FAP: variants seen among roughly 807,000 people sequenced by gnomAD.
FAP encodes the protein fibroblast activation protein alpha.
FAP carries 110 observed loss-of-function variants against 126.5 expected under a neutral mutation model. The observed-to-expected ratio is 0.87, with a 90% CI of 0.74 to 1.02. FAP has a LOEUF of 1.02. Among genes scored for constraint, FAP ranks in the 50% least tolerant of loss-of-function variants. The pLI, the probability that FAP is intolerant of heterozygous loss-of-function variation, is 0.00. For synonymous variants in FAP, 334 were observed against 297.3 expected (o/e 1.12, Z -1.27); for missense variants, 919 against 909.2 (o/e 1.01, Z -0.14).
rs1192590844 is a variant in FAP at position 162,203,100 on chromosome 2, A to T, written c.1093T>A (p.Tyr365Asn). The T allele has an allele frequency of 6.2e-7, 1 of 1,613,728 alleles. No individual in the cohort carries two copies. Among genetic ancestry groups the T allele is most frequent in the Admixed American group, 1.7e-5 (1 of 60,018 alleles). ...CCATCCTTGTCACTAAATATTTTGT[A>T]GTACGAAATGGCATCATAGCTGAAA... Reference protein sequence around the residue: ...PVFSYDAISYYKIFSDKDGYK... With the variant: ...PVFSYDAISYNKIFSDKDGYK... Residue 365 changes from tyrosine (Y) to asparagine (N), a missense_variant, in exon 13 of 26, where the codon TAC becomes AAC. Coordinates refer to ENST00000188790, the MANE Select transcript of FAP (RefSeq NM_004460.5).
At chr2:162,234,758 G>A (rs192748934) in intron 2 of FAP, among the ~76,000 whole-genome samples, 199 of 152,242 alleles carry the variant, frequency 1.3e-3, no homozygotes, top group African/African-American at 4.3e-3. Flanking sequence ...CATTCTGGCC[G>A]CACTTCAGGA....
At chr2:162,194,779 T>C in intron 16 of FAP, 31 bp from the exon 17 acceptor site, 1 of 1,606,526 alleles carries the variant, frequency 6.2e-7, no homozygotes, top group Non-Finnish European at 8.5e-7. Flanking sequence ...AAATCATGGC[T>C]TAGTGTTAAA....
At chr2:162,206,242 T>C (rs1269978308) in intron 12 of FAP, among the ~76,000 whole-genome samples, 7 of 152,200 alleles carry the variant, frequency 4.6e-5, no homozygotes, top group Admixed American at 2.6e-4. Context: ...AAGTGCTTCT[T>C]GCAAGTCACA....
intron 6 of FAP, among the ~76,000 whole-genome samples, chr2:162,220,495 T>C (rs1032781410): frequency 3.9e-5 from 6 of 152,206 alleles, no homozygotes; most frequent in African/African-American, 1.4e-4. Flanking sequence ...TGCATATGCA[T>C]TTCAAATTTT....
At chr2:162,201,219 C>G (rs1688485523) in intron 14 of FAP, among the ~76,000 whole-genome samples, 1 of 152,076 alleles carries the variant, frequency 6.6e-6, no homozygotes, top group Non-Finnish European at 1.5e-5. Context: ...GTATGTTCAT[C>G]TGAGTATCAG....
intron 2 of FAP, among the ~76,000 whole-genome samples, chr2:162,235,457 T>G (rs13406928): frequency 0.02 from 3,088 of 152,268 alleles, 92 homozygotes; most frequent in African/African-American, 0.071. Flanking sequence ...TGTGTCTAGC[T>G]CAAGGTTTGT....
At chr2:162,171,173 T>C in intron 25 of FAP, 93 bp from the exon 26 acceptor site, 1 of 839,664 alleles carries the variant, frequency 1.2e-6, no homozygotes, top group Non-Finnish European at 2.0e-6. Flanking sequence ...TGATAATCTT[T>C]CTATTATGGG....
intron 6 of FAP, among the ~76,000 whole-genome samples, chr2:162,222,816 C>G (rs897410522): frequency 4.6e-5 from 7 of 152,112 alleles, no homozygotes; most frequent in Non-Finnish European, 1.0e-4. Flanking sequence ...TGGCTGTTCC[C>G]CAACCTTACA....
intron 11 of FAP, among the ~76,000 whole-genome samples, chr2:162,210,511 C>T (rs1482203344): frequency 6.6e-6 from 1 of 152,078 alleles, no homozygotes; most frequent in Admixed American, 6.5e-5. Context: ...AAATAAATAG[C>T]ATAGAGACCA....
chr2:162,224,709 C>G (rs1415341517), intron 4 of FAP, among the ~76,000 whole-genome samples, 169 bp from the exon 5 acceptor site: 1 of 151,964 alleles, frequency 6.6e-6, no homozygotes, highest in African/African-American at 2.4e-5. Context: ...AAGAAATTTA[C>G]TAGATACTAT....
intron 6 of FAP, among the ~76,000 whole-genome samples, chr2:162,220,161 C>T (rs958367490): frequency 1.3e-5 from 2 of 152,084 alleles, no homozygotes; most frequent in Admixed American, 6.5e-5. Context: ...AGTTTTCTGA[C>T]CTTTATAGTG....
At chr2:162,202,241 T>A (rs981992575) in intron 14 of FAP, among the ~76,000 whole-genome samples, 1 of 152,228 alleles carries the variant, frequency 6.6e-6, no homozygotes, top group Non-Finnish European at 1.5e-5. Context: ...GTATGCAGAA[T>A]GGACTGAAGA....
chr2:162,238,555 T>C (rs147594311), intron 2 of FAP, among the ~76,000 whole-genome samples: 1 of 152,308 alleles, frequency 6.6e-6, no homozygotes, highest in East Asian at 1.9e-4. Flanking sequence ...TTATCTTGAC[T>C]AAAAAGCTCT....
At chr2:162,192,633 T>A (rs771145929) in intron 17 of FAP, among the ~76,000 whole-genome samples, 2 of 152,124 alleles carry the variant, frequency 1.3e-5, no homozygotes. Flanking sequence ...TTATCTTCAG[T>A]CCAAACTGAT....
chr2:162,186,957 G>A (rs1049183498), intron 20 of FAP, among the ~76,000 whole-genome samples: 10 of 152,034 alleles, frequency 6.6e-5, no homozygotes, highest in African/African-American at 2.4e-4. Flanking sequence ...GAAAGAGGGA[G>A]CTTCCAGAAA....
chr2:162,206,455 G>A (rs944015009), intron 12 of FAP, among the ~76,000 whole-genome samples: 2 of 152,186 alleles, frequency 1.3e-5, no homozygotes, highest in African/African-American at 4.8e-5. Flanking sequence ...GACCTAAAGC[G>A]GATGCCCTAA....
At chr2:162,188,133 G>A in intron 20 of FAP, 36 bp downstream of exon 20, 1 of 1,530,240 alleles carries the variant, frequency 6.5e-7, no homozygotes, top group Non-Finnish European at 9.0e-7. Context: ...GACTTTTGTT[G>A]CATGTTGACA....
intron 6 of FAP, among the ~76,000 whole-genome samples, chr2:162,223,281 G>C (rs1048412326): frequency 3.3e-5 from 5 of 151,910 alleles, no homozygotes; most frequent in Non-Finnish European, 7.4e-5. Context: ...TAAAAATAGT[G>C]TCTCATTTCC....
At chr2:162,208,278 C>A (rs578244118) in intron 12 of FAP, among the ~76,000 whole-genome samples, 1 of 151,412 alleles carries the variant, frequency 6.6e-6, no homozygotes, top group Non-Finnish European at 1.5e-5. Context: ...AGGTCTAAAG[C>A]TTTGCAGGCA....
Sources: allele counts gnomAD v4.1 joint callset (sites outside exome capture counted in the v4.1 genomes callset), GRCh38; gene constraint gnomAD v4.1.1; transcripts MANE v1.5; gene names NCBI Gene and HGNC (gene_info 2026-07-23, HGNC 2026-07-21).